Variants in CFAP298 observed in about 807,000 individuals in gnomAD.
The protein encoded by CFAP298 is cilia- and flagella-associated protein 298.
Under a neutral mutation model 41.0 loss-of-function variants are expected in CFAP298, and 38 were observed. The observed-to-expected ratio is 0.93, with a 90% CI of 0.72 to 1.22. The LOEUF (loss-of-function observed/expected upper bound fraction) is 1.22. Ranked by LOEUF, CFAP298 falls within the 50% of genes most tolerant of loss-of-function variation. The pLI is 0.00. For missense variants in CFAP298, 348 were observed against 360.3 expected, an observed-to-expected ratio of 0.97 and a Z score of 0.28; for synonymous variants, 137 against 135.3, an observed-to-expected ratio of 1.01 and a Z score of -0.09.
intron 3 of CFAP298, 114 bp from the exon 4 acceptor site, chr21:32,604,397 A>C: frequency 8.3e-7 from 1 of 1,202,926 alleles, no homozygotes; most frequent in Non-Finnish European, 1.2e-6. Context: ...AAAGAAATCA[A>C]ACAGTTCTTG....
In CFAP298 at chr21:32,601,071, A is replaced by G. The variant is rs2038725369; in HGVS notation, c.*792T>C. ...CAGTTAGACCCCGCAGCAGGGTTAA[A>G]GAAGGCTACAGTTAGACCCCGCAGC... On this transcript the variant is annotated 3_prime_UTR_variant, in exon 7 of 7. Coordinates refer to ENST00000290155, the MANE Select transcript of CFAP298 (RefSeq NM_021254.4). Among the ~76,000 whole-genome samples the G allele has an allele frequency of 6.6e-6, 1 of 151,312 alleles. No individual in the cohort carries two copies. Among genetic ancestry groups the G allele is most frequent in the Non-Finnish European group, 1.5e-5 (1 of 67,952 alleles).
Position 32,605,761 on chromosome 21 carries a change from C to T in CFAP298, c.376-1478G>A, listed in dbSNP as rs144690448. 2.2e-3 allele frequency among the ~76,000 whole-genome samples: 331 copies of T among 152,298 alleles called. 3 individuals are homozygous for T. The highest frequency in any genetic ancestry group is 7.6e-3 in the African/African-American group (317 of 41,572). On this transcript the variant is annotated intron_variant, in intron 3 of 6. Transcript: ENST00000290155. ...ATAAGAGGAGTCTTGTTGGTGATCT[C>T]ACCCTTTAACTTTTAGGTCTGATGC...
chr21:32,610,994 G>A (rs2038978510), intron 1 of CFAP298, among the ~76,000 whole-genome samples: 1 of 151,974 alleles, frequency 6.6e-6, no homozygotes, highest in South Asian at 2.1e-4. Flanking sequence ...GCTCCACTTG[G>A]CGATTTAAAT....
chr21:32,602,727 G>A, intron 5 of CFAP298: 2 of 1,252,608 alleles, frequency 1.6e-6, no homozygotes, highest in Non-Finnish European at 2.0e-6. Context: ...TGACGTAGGA[G>A]CACCCACAAA....
Position 32,599,947 on chromosome 21 carries a change from G to C in CFAP298, c.*1916C>G, listed in dbSNP as rs2038709706. On this transcript the variant is annotated 3_prime_UTR_variant, in exon 7 of 7. Coordinates refer to ENST00000290155, the MANE Select transcript of CFAP298 (RefSeq NM_021254.4). ...TAGTAAGTTCTGCTGATTACATGAA[G>C]CAATGGGATAACTATCACGGCCAAA... 1.3e-5 allele frequency among the ~76,000 whole-genome samples: 2 copies of C among 152,168 alleles called. No homozygotes were observed. Among genetic ancestry groups the C allele is most frequent in the Admixed American group, 6.5e-5 (1 of 15,270 alleles).
chr21:32,602,806 C>G, intron 5 of CFAP298: 1 of 1,367,720 alleles, frequency 7.3e-7, no homozygotes, highest in African/African-American at 1.5e-5. Flanking sequence ...TTCCTCCTCC[C>G]CCTCCTGTAC....
intron 5 of CFAP298, 170 bp from the exon 6 acceptor site, chr21:32,602,537 G>A (rs985139265): frequency 7.0e-7 from 1 of 1,427,742 alleles, no homozygotes; most frequent in African/African-American, 1.4e-5. Flanking sequence ...GTCTTGAGCA[G>A]CCCTGAGCCC....
In CFAP298 at chr21:32,601,630, C is replaced by G; in HGVS notation, c.*233G>C. ...AGTATTTTATCAAAGAAAACCATGA[C>G]ATACTAAATAGTCCTGAAACAAAAA... On this transcript the variant is annotated 3_prime_UTR_variant, in exon 7 of 7. Coordinates refer to ENST00000290155, the MANE Select transcript of CFAP298 (RefSeq NM_021254.4). 2.4e-6 allele frequency: 1 copy of G among 408,228 alleles called. No individual in the cohort carries two copies. The highest frequency in any genetic ancestry group is 4.4e-6 in the Non-Finnish European group (1 of 227,674). The allele number at this position is 408,228 out of a possible 1,614,324, so 25.3% of individuals were successfully genotyped here.
At chr21:32,610,047 C>T (rs777191447) in intron 1 of CFAP298, 42 bp from the exon 2 acceptor site, 4 of 1,548,038 alleles carry the variant, frequency 2.6e-6, no homozygotes, top group Non-Finnish European at 2.7e-6. Flanking sequence ...CATAACACCT[C>T]ATACCCCATT....
chr21:32,612,335 C>T lies in CFAP298; in HGVS notation c.-92G>A. On this transcript the variant is annotated 5_prime_UTR_variant, in exon 1 of 7. Coordinates refer to ENST00000290155, the MANE Select transcript of CFAP298 (RefSeq NM_021254.4). ...CCGAGGGTCGCCGGATCGCCAGCAG[C>T]TGCGACGCACTAACAGCCGCTCACA... 2 of 1,455,344 alleles carry T rather than the reference C, an allele frequency of 1.4e-6. No homozygotes were observed. Among genetic ancestry groups the T allele is most frequent in the Non-Finnish European group, 1.8e-6 (2 of 1,103,908 alleles). The allele number at this position is 1,455,344 out of a possible 1,614,324, so 90.2% of individuals were successfully genotyped here.
chr21:32,605,605 C>G (rs1339963040), intron 3 of CFAP298, among the ~76,000 whole-genome samples: 1 of 152,168 alleles, frequency 6.6e-6, no homozygotes, highest in African/African-American at 2.4e-5. Context: ...GTGAAGCTTC[C>G]TGATTGGTGA....
rs1385054367 is a variant in CFAP298, at chr21:32,601,233, C to G, written c.*630G>C. On this transcript the variant is annotated 3_prime_UTR_variant, in exon 7 of 7. Coordinates refer to ENST00000290155, the MANE Select transcript of CFAP298 (RefSeq NM_021254.4). ...TCACTGCCAGTCATCAGCTTTCCTCCAATAAACCAGTTATCATGAGAATAT... is the reference window on the plus strand; with the variant it reads ...TCACTGCCAGTCATCAGCTTTCCTCGAATAAACCAGTTATCATGAGAATAT... Among the ~76,000 whole-genome samples, 2 of 148,936 alleles carry G rather than the reference C, an allele frequency of 1.3e-5. No individual in the cohort carries two copies. The highest frequency in any genetic ancestry group is 1.3e-4 in the Admixed American group (2 of 14,928).
chr21:32,604,286 G>C lies in CFAP298; in HGVS notation c.376-3C>G. 1 of 1,613,962 alleles carries C rather than the reference G, an allele frequency of 6.2e-7. No individual in the cohort carries two copies. The highest frequency in any genetic ancestry group is 8.5e-7 in the Non-Finnish European group (1 of 1,179,988). On this transcript the variant is annotated splice_polypyrimidine_tract_variant and splice_region_variant and intron_variant, in intron 3 of 6. Coordinates refer to ENST00000290155, the MANE Select transcript of CFAP298 (RefSeq NM_021254.4). Reference sequence around the variant, plus strand: ...CAGACACCGGCTTCCACTTGTTTCTGCAAGCAGAAAGCCATCGTTATCTAC... The same window carrying C: ...CAGACACCGGCTTCCACTTGTTTCTCCAAGCAGAAAGCCATCGTTATCTAC...
At chr21:32,610,902 T>C (rs2038975693) in intron 1 of CFAP298, among the ~76,000 whole-genome samples, 1 of 152,190 alleles carries the variant, frequency 6.6e-6, no homozygotes, top group Non-Finnish European at 1.5e-5. Flanking sequence ...GATAGTTATA[T>C]AAACAGTAAT....
chr21:32,607,594 CAAAAAAAAA>C (rs560584894), intron 3 of CFAP298, 46 bp downstream of exon 3: 5 of 826,758 alleles, frequency 6.0e-6, no homozygotes, highest in Non-Finnish European at 8.7e-6. Flanking sequence ...ATTCCATCTC[CAAAAAAAAA>C]AAAAAAAACC....
rs1275777713 is a variant in CFAP298, at chr21:32,599,904, C to T, written c.*1959G>A. On this transcript the variant is annotated 3_prime_UTR_variant, in exon 7 of 7. Transcript: ENST00000290155. ...GGTATTTAAGGAGTGTAGTGTCATG[C>T]GTGAGTGACTTTTTGGTTAGTAAGT... 6.6e-6 allele frequency among the ~76,000 whole-genome samples: 1 copy of T among 152,164 alleles called. No individual in the cohort carries two copies. The highest frequency in any genetic ancestry group is 1.5e-5 in the Non-Finnish European group (1 of 68,042).
Position 32,601,790 on chromosome 21 carries a change from T to G in CFAP298, c.*73A>C, listed in dbSNP as rs2038744609. ...ACAGAGGGCAGTAAGTGGCCTTTTTTTTTTTTTTAAATTATAATTGCCTAG... is the reference window on the plus strand; with the variant it reads ...ACAGAGGGCAGTAAGTGGCCTTTTTGTTTTTTTTAAATTATAATTGCCTAG... On this transcript the variant is annotated 3_prime_UTR_variant, in exon 7 of 7. Coordinates refer to ENST00000290155, the MANE Select transcript of CFAP298 (RefSeq NM_021254.4). 6 of 816,906 alleles carry G rather than the reference T, an allele frequency of 7.3e-6. No homozygotes were observed. Among genetic ancestry groups the G allele is most frequent in the Non-Finnish European group, 1.2e-5 (6 of 495,278 alleles). The allele number at this position is 816,906 out of a possible 1,614,324, so 50.6% of individuals were successfully genotyped here.
At chr21:32,610,351 A>G (rs1684757530) in intron 1 of CFAP298, among the ~76,000 whole-genome samples, 1 of 152,130 alleles carries the variant, frequency 6.6e-6, no homozygotes, top group African/African-American at 2.4e-5. Flanking sequence ...AGTAGCTGGG[A>G]CAACAGGCAT....
At chr21:32,607,501 G>A in intron 3 of CFAP298, 148 bp downstream of exon 3, 1 of 535,284 alleles carries the variant, frequency 1.9e-6, no homozygotes, top group Non-Finnish European at 3.3e-6. Flanking sequence ...GCTGAGGCAG[G>A]AGAATTGCTT....
Sources: gnomAD v4.1 joint callset for allele counts (sites outside exome capture counted in the v4.1 genomes callset) on GRCh38, gnomAD v4.1.1 for gene constraint, MANE v1.5 for transcripts, NCBI Gene and HGNC (gene_info 2026-07-23, HGNC 2026-07-21) for gene names.